LPA: variants seen among roughly 807,000 people sequenced by gnomAD.
LPA encodes apolipoprotein(a).
Under a neutral mutation model 197.9 loss-of-function variants are expected in LPA, and 199 were observed. The observed-to-expected ratio is 1.01, with a 90% confidence interval of 0.90 to 1.13. LPA has a LOEUF of 1.13. Ranked by LOEUF, LPA falls within the 50% of genes most tolerant of loss-of-function variation. The probability of loss-of-function intolerance (pLI) is 0.00; values close to 1 mark genes in which losing one functional copy is unlikely to be tolerated. For synonymous variants in LPA, 715 were observed against 639.5 expected, an observed-to-expected ratio of 1.12 and a Z score of -1.78; for missense variants, 1,853 against 1,785.8, an observed-to-expected ratio of 1.04 and a Z score of -0.68.
chr6:160,649,610 A>G (rs1779967828), intron 2 of LPA, among the ~76,000 whole-genome samples: 1 of 151,980 alleles, frequency 6.6e-6, no homozygotes. Context: ...TGTTGAGTTG[A>G]TCTCATTGTT....
chr6:160,585,082 T>A lies in LPA; in HGVS notation c.4253A>T (p.His1418Leu), dbSNP rs771836727. 1.9e-6 allele frequency: 3 copies of A among 1,613,846 alleles called. No individual in the cohort carries two copies. Among genetic ancestry groups the A allele is most frequent in the Admixed American group, 1.7e-5 (1 of 60,008 alleles). The change falls in exon 26 of 39, where the codon CAT becomes CTT. Residue 1418 changes from histidine to leucine, a missense_variant. His to Leu is a moderately conservative substitution (Grantham distance 99). Coordinates refer to ENST00000316300, the MANE Select transcript of LPA (RefSeq NM_005577.4). ...GTATAATGGGATCCTCCGATGCCAA[T>A]GTGGTGTCATAGACGACCAAGACTG... is the stretch of plus-strand genomic sequence containing the variant. The part of the protein sequence containing the change: ...TCQSWSSMTP[H>L]WHRRIPLYYP...
At chr6:160,592,326 T>C (rs1279279777) in intron 22 of LPA, among the ~76,000 whole-genome samples, 1 of 152,238 alleles carries the variant, frequency 6.6e-6, no homozygotes, top group Non-Finnish European at 1.5e-5. Flanking sequence ...AAACTGGTTA[T>C]AAGGCCATCC....
chr6:160,579,488 G>C (rs764887390), intron 26 of LPA, among the ~76,000 whole-genome samples: 2 of 152,096 alleles, frequency 1.3e-5, no homozygotes, highest in African/African-American at 4.8e-5. Flanking sequence ...AAAGAACAGC[G>C]GGACCCAAGG....
At chr6:160,561,442 C>T (rs1272623495) in intron 28 of LPA, among the ~76,000 whole-genome samples, 2 of 152,106 alleles carry the variant, frequency 1.3e-5, no homozygotes, top group Admixed American at 1.3e-4. Context: ...GTTTTGGTAC[C>T]AGTACCATAC....
intron 35 of LPA, 87 bp from the exon 36 acceptor site, chr6:160,540,270 A>T: frequency 1.3e-6 from 2 of 1,519,614 alleles, no homozygotes; most frequent in Non-Finnish European, 1.8e-6. Context: ...TGTCCCTCTG[A>T]CACCCTCGGC....
intron 28 of LPA, among the ~76,000 whole-genome samples, chr6:160,571,091 G>T (rs1778554425): frequency 6.6e-6 from 1 of 151,910 alleles, no homozygotes; most frequent in South Asian, 2.1e-4. Context: ...CCTTAATCTT[G>T]TTTTCACGCT....
Position 160,586,536 on chromosome 6 carries a change from G to T in LPA, c.4042C>A (p.Leu1348Met), listed in dbSNP as rs775797796. The T allele has an allele frequency of 5.6e-6, 9 of 1,613,802 alleles. No individual in the cohort carries two copies. The South Asian group carries it at 9.9e-5, about 18-fold the overall frequency. The change falls in exon 25 of 39, where the codon CTG (leucine) becomes ATG (methionine). Residue 1348 changes from leucine to methionine, a missense_variant. Leu to Met is a conservative substitution (Grantham distance 15, BLOSUM62 2). This residue lies in a region of LPA where 1,737 missense variants were observed against 1,504.4 expected (regional missense o/e 1.15). Transcript: ENST00000316300. ...DPSVRWEYCN[L>M]TQCPVMESTL... ...GATTCCATCACTGGACATTGCGTCA[G>T]GTTGCAGTACTCCCATCTGACACTG... is the stretch of plus-strand genomic sequence containing the variant.
chr6:160,540,983 C>T (rs1315068029), intron 35 of LPA, 124 bp downstream of exon 35: 9 of 820,538 alleles, frequency 1.1e-5, no homozygotes, highest in African/African-American at 1.0e-4. Context: ...AGTGTTCCTT[C>T]CAGAAAAGGA....
intron 36 of LPA, among the ~76,000 whole-genome samples, chr6:160,539,407 ATAT>A: frequency 6.6e-6 from 1 of 152,022 alleles, no homozygotes; most frequent in East Asian, 1.9e-4. Context: ...GACAACAATA[ATAT>A]TATTATTTGC....
chr6:160,568,423 T>C (rs954490552), intron 28 of LPA, among the ~76,000 whole-genome samples: 5 of 152,172 alleles, frequency 3.3e-5, no homozygotes, highest in African/African-American at 9.7e-5. Context: ...AAAAGGCCTT[T>C]GACAAAATTC....
At chr6:160,566,491 G>T (rs909552932) in intron 28 of LPA, among the ~76,000 whole-genome samples, 11 of 152,120 alleles carry the variant, frequency 7.2e-5, no homozygotes, top group African/African-American at 2.7e-4. Context: ...CCTGAAGGAA[G>T]CACTAAACAT....
chr6:160,603,775 G>C (rs1309320803), intron 18 of LPA, among the ~76,000 whole-genome samples: 1 of 152,186 alleles, frequency 6.6e-6, no homozygotes, highest in East Asian at 1.9e-4. Flanking sequence ...TAATTGACTT[G>C]GAAATGATTT....
intron 28 of LPA, among the ~76,000 whole-genome samples, chr6:160,566,950 T>C (rs1208024968): frequency 6.6e-6 from 1 of 152,184 alleles, no homozygotes; most frequent in African/African-American, 2.4e-5. Context: ...CTAACTATCC[T>C]AAATATATAT....
chr6:160,584,237 T>TTCTTCTTCTTCTTCC (rs1554235539), intron 26 of LPA, among the ~76,000 whole-genome samples: 68 of 69,424 alleles, frequency 9.8e-4, no homozygotes, highest in Middle Eastern at 7.0e-3. Context: ...CTTCTTCTTC[T>TTCTTCTTCTTCTTCC]TCCTCCTCCT....
intron 28 of LPA, among the ~76,000 whole-genome samples, chr6:160,570,532 G>A (rs1583586127): frequency 6.6e-6 from 1 of 152,272 alleles, no homozygotes; most frequent in East Asian, 1.9e-4. Flanking sequence ...TATACCTAAT[G>A]TAAATGAAGA....
intron 19 of LPA, among the ~76,000 whole-genome samples, chr6:160,600,608 A>G (rs947004837): frequency 1.3e-5 from 2 of 152,206 alleles, no homozygotes; most frequent in East Asian, 1.9e-4. Flanking sequence ...AGACACACAC[A>G]TCTGACAGCA....
chr6:160,650,885 A>G (rs1779993534), intron 1 of LPA, among the ~76,000 whole-genome samples: 1 of 152,164 alleles, frequency 6.6e-6, no homozygotes, highest in African/African-American at 2.4e-5. Context: ...GTCAAATATG[A>G]AAACCTTGCA....
intron 24 of LPA, 39 bp downstream of exon 24, chr6:160,589,513 TG>T: frequency 6.2e-7 from 1 of 1,609,282 alleles, no homozygotes; most frequent in South Asian, 1.1e-5. Context: ...GAAATTTAAG[TG>T]GGTGGCTGTT....
intron 28 of LPA, among the ~76,000 whole-genome samples, 194 bp downstream of exon 28, chr6:160,576,942 C>T (rs1473511797): frequency 6.6e-6 from 1 of 151,970 alleles, no homozygotes; most frequent in Non-Finnish European, 1.5e-5. Context: ...TTCCATAAAA[C>T]TATTAGGAAA....
Sources: allele counts gnomAD v4.1 joint callset (sites outside exome capture counted in the v4.1 genomes callset), GRCh38; gene constraint gnomAD v4.1.1; regional missense constraint gnomAD v4.1.1; transcripts MANE v1.5; gene names NCBI Gene and HGNC (gene_info 2026-07-23, HGNC 2026-07-21).